The following DENND1A variants were observed in gnomAD, a reference collection of about 807,000 sequenced individuals.
DENND1A encodes the protein DENN domain containing 1A.
Under a neutral mutation model 113.7 loss-of-function variants are expected in DENND1A, and 51 were observed. That is an observed-to-expected ratio of 0.45 (90% CI 0.36 to 0.57). The LOEUF (loss-of-function observed/expected upper bound fraction) is 0.57. Ranked by LOEUF, DENND1A falls within the 20% of genes least tolerant of loss-of-function variation. The pLI is 0.00. For missense variants in DENND1A, 1,258 were observed against 1,395.9 expected, an observed-to-expected ratio of 0.90 and a Z score of 1.57; for synonymous variants, 565 against 570.8, an observed-to-expected ratio of 0.99 and a Z score of 0.14.
At chr9:123,413,319 G>A (rs1011732564) in intron 19 of DENND1A, 1 of 690,510 alleles carries the variant, frequency 1.4e-6, no homozygotes, top group African/African-American at 1.9e-5. Flanking sequence ...GATATATTGG[G>A]TTCATTATAT....
intron 3 of DENND1A, among the ~76,000 whole-genome samples, chr9:123,785,868 C>T (rs1329321071): frequency 6.6e-6 from 1 of 152,142 alleles, no homozygotes; most frequent in Non-Finnish European, 1.5e-5. Context: ...GGAAAGTGAG[C>T]CTTTTGGGCA....
intron 12 of DENND1A, among the ~76,000 whole-genome samples, chr9:123,578,934 G>C (rs971228133): frequency 6.6e-6 from 1 of 152,016 alleles, no homozygotes; most frequent in African/African-American, 2.4e-5. Context: ...AATAGATGAG[G>C]TAAGACACTG....
intron 8 of DENND1A, among the ~76,000 whole-genome samples, chr9:123,662,863 G>A (rs541036250): frequency 5.9e-5 from 9 of 152,260 alleles, no homozygotes; most frequent in South Asian, 2.1e-4. Context: ...CTGAGAGAAC[G>A]TTATTCTGTG....
intron 11 of DENND1A, among the ~76,000 whole-genome samples, chr9:123,594,192 C>T (rs1010266073): frequency 6.6e-6 from 1 of 152,180 alleles, no homozygotes; most frequent in African/African-American, 2.4e-5. Flanking sequence ...CGTATCAGTC[C>T]AAGCCACAGC....
intron 1 of DENND1A, among the ~76,000 whole-genome samples, chr9:123,914,219 G>A (rs1003545814): frequency 6.6e-5 from 10 of 151,862 alleles, no homozygotes; most frequent in African/African-American, 1.7e-4. Flanking sequence ...GTCTGTTCCT[G>A]CCATTGCTAT....
chr9:123,549,247 T>C (rs1255214974), intron 13 of DENND1A, among the ~76,000 whole-genome samples: 2 of 152,106 alleles, frequency 1.3e-5, no homozygotes, highest in African/African-American at 4.8e-5. Flanking sequence ...GTTTCCTCTT[T>C]CTCCCGGTTT....
At chr9:123,601,640 T>G (rs145914739) in intron 11 of DENND1A, among the ~76,000 whole-genome samples, 1 of 152,258 alleles carries the variant, frequency 6.6e-6, no homozygotes, top group Non-Finnish European at 1.5e-5. Context: ...TTCACTGATA[T>G]AAACTTTGCC....
intron 12 of DENND1A, among the ~76,000 whole-genome samples, chr9:123,580,959 G>A (rs1014735349): frequency 2.4e-4 from 36 of 152,262 alleles, no homozygotes; most frequent in African/African-American, 7.0e-4. Context: ...GGCAAGGCAC[G>A]TGCTCTCTGA....
chr9:123,447,728 T>C (rs2047407615), intron 18 of DENND1A, among the ~76,000 whole-genome samples: 1 of 151,064 alleles, frequency 6.6e-6, no homozygotes, highest in Admixed American at 6.6e-5. Flanking sequence ...ATTAGAGGCA[T>C]CTGGGGAGTC....
rs897429959 is a variant in DENND1A at position 123,381,292 on chromosome 9, G to A, written c.*140C>T. ...CATCAGAGATGGGCAGTGTGGAGGG[G>A]AGGAGGGGGCAGCAGAGAGGGGTCC... On this transcript the variant is annotated 3_prime_UTR_variant, in exon 24 of 24. Coordinates refer to ENST00000394215, the MANE Select transcript of DENND1A (RefSeq NM_001352964.2). The surrounding 1 kb of genome is among the most constrained non-coding windows in gnomAD (Gnocchi z 4.7). 5.3e-6 allele frequency: 4 copies of A among 758,780 alleles called. No individual in the cohort carries two copies. The highest frequency in any genetic ancestry group is 8.5e-6 in the Non-Finnish European group (4 of 471,092). The allele number at this position is 758,780 out of a possible 1,614,324, so 47.0% of individuals were successfully genotyped here. A position where few individuals can be genotyped will look rare whatever the true frequency, so the allele number is the denominator to read the frequency against.
intron 5 of DENND1A, among the ~76,000 whole-genome samples, chr9:123,739,950 T>G (rs902245060): frequency 7.3e-5 from 11 of 151,462 alleles, no homozygotes; most frequent in Admixed American, 5.9e-4. Flanking sequence ...CTTCATATAA[T>G]TTGCTATTCA....
At chr9:123,699,695 T>TC in intron 5 of DENND1A, among the ~76,000 whole-genome samples, 1 of 146,370 alleles carries the variant, frequency 6.8e-6, no homozygotes. Context: ...TTTCTTTTTT[T>TC]TTTTTTTTTT....
chr9:123,453,535 A>C (rs550957923), intron 16 of DENND1A, among the ~76,000 whole-genome samples: 1 of 152,240 alleles, frequency 6.6e-6, no homozygotes, highest in East Asian at 1.9e-4. Flanking sequence ...CCAGCTCGTG[A>C]AGGGCCCGGA....
At chr9:123,515,155 C>T (rs1258879039) in intron 13 of DENND1A, among the ~76,000 whole-genome samples, 1 of 152,178 alleles carries the variant, frequency 6.6e-6, no homozygotes, top group Non-Finnish European at 1.5e-5. Context: ...GTGTGATCCT[C>T]GATTTGAGCC....
chr9:123,504,948 A>G (rs940835082), intron 13 of DENND1A, among the ~76,000 whole-genome samples: 17 of 152,336 alleles, frequency 1.1e-4, no homozygotes, highest in African/African-American at 4.1e-4. Context: ...ACATACAGAA[A>G]AGACTACAAG....
intron 3 of DENND1A, among the ~76,000 whole-genome samples, chr9:123,785,509 T>C (rs903274302): frequency 6.6e-6 from 1 of 152,146 alleles, no homozygotes; most frequent in African/African-American, 2.4e-5. Context: ...TACCTATCTA[T>C]GAACCTATAC....
At chr9:123,427,575 G>A (rs1324874072) in intron 19 of DENND1A, among the ~76,000 whole-genome samples, 1 of 152,138 alleles carries the variant, frequency 6.6e-6, no homozygotes, top group African/African-American at 2.4e-5. Flanking sequence ...AGCCCTGCAT[G>A]CTCTCTCGGT....
At chr9:123,693,188 C>A (rs571653252) in intron 5 of DENND1A, among the ~76,000 whole-genome samples, 1 of 152,234 alleles carries the variant, frequency 6.6e-6, no homozygotes, top group Admixed American at 6.5e-5. Context: ...TTTCCAGGAC[C>A]CCTAAATGTT....
At chr9:123,649,127 A>G (rs2062503892) in intron 9 of DENND1A, among the ~76,000 whole-genome samples, 1 of 152,198 alleles carries the variant, frequency 6.6e-6, no homozygotes, top group Admixed American at 6.5e-5. Context: ...GTCAGGTACT[A>G]TGTAAAACCC....
Sources: allele counts gnomAD v4.1 joint callset (sites outside exome capture counted in the v4.1 genomes callset), GRCh38; gene constraint gnomAD v4.1.1; non-coding constraint Gnocchi (gnomAD v3.1); transcripts MANE v1.5; gene names NCBI Gene and HGNC (gene_info 2026-07-23, HGNC 2026-07-21).